The following PVALB variants were observed in gnomAD, a reference collection of about 807,000 sequenced individuals.
PVALB encodes parvalbumin.
PVALB carries 11 observed loss-of-function variants against 10.9 expected under a neutral mutation model. That is an observed-to-expected ratio of 1.01 (90% CI 0.63 to 1.67). PVALB has a LOEUF of 1.67. PVALB is among the 40% of genes most tolerant of loss of function. The pLI, the probability that PVALB is intolerant of heterozygous loss-of-function variation, is 0.00. For synonymous variants in PVALB, 57 were observed against 50.7 expected (o/e 1.12, Z -0.53); for missense variants, 131 against 136.2 (o/e 0.96, Z 0.19).
At chr22:36,802,418 C>T (rs899723708) in intron 3 of PVALB, among the ~76,000 whole-genome samples, 100 of 151,564 alleles carry the variant, frequency 6.6e-4, no homozygotes, top group African/African-American at 2.1e-3. Context: ...CTGGCCAACA[C>T]GGTGAAACCC....
intron 3 of PVALB, among the ~76,000 whole-genome samples, chr22:36,808,327 T>C (rs1035171030): frequency 6.6e-6 from 1 of 152,164 alleles, no homozygotes; most frequent in African/African-American, 2.4e-5. Context: ...TCGATTCCTG[T>C]TGGTCAACAC....
Position 36,800,730 on chromosome 22 carries a change from C to T in PVALB, c.*160G>A, listed in dbSNP as rs1021210598. On this transcript the variant is annotated 3_prime_UTR_variant, in exon 4 of 4. Transcript: ENST00000417718. ...ACTGGTACAACCTTTATTGCTTCTC[C>T]AGCATTTTCCAGAAGAATGGTGTCA... 1.6e-5 allele frequency: 13 copies of T among 806,328 alleles called. No homozygotes were observed. The highest frequency in any genetic ancestry group is 2.5e-5 in the Non-Finnish European group (12 of 477,590). 49.9% of individuals were successfully genotyped at this position (806,328 alleles called of 1,614,324 possible).
chr22:36,811,445 A>C, intron 3 of PVALB: 2 of 470,674 alleles, frequency 4.2e-6, no homozygotes, highest in South Asian at 1.6e-5. Flanking sequence ...AGGGGCACCC[A>C]GTCAGGAAAT....
At chr22:36,801,734 A>T (rs1938868604) in intron 3 of PVALB, among the ~76,000 whole-genome samples, 1 of 152,212 alleles carries the variant, frequency 6.6e-6, no homozygotes, top group Non-Finnish European at 1.5e-5. Context: ...CAGAAGGCAG[A>T]GGTTGCAGTG....
At chr22:36,813,950 G>A (rs1451491327) in intron 2 of PVALB, among the ~76,000 whole-genome samples, 195 bp from the exon 3 acceptor site, 1 of 152,182 alleles carries the variant, frequency 6.6e-6, no homozygotes, top group East Asian at 1.9e-4. Flanking sequence ...GAGTATTTAG[G>A]AAAGGACAGG....
At chr22:36,808,826 T>C (rs887216436) in intron 3 of PVALB, among the ~76,000 whole-genome samples, 6 of 152,094 alleles carry the variant, frequency 3.9e-5, no homozygotes, top group Non-Finnish European at 8.8e-5. Context: ...TAACAAAGAT[T>C]TTTTTTTGGC....
chr22:36,812,423 C>A (rs974854809), intron 3 of PVALB, among the ~76,000 whole-genome samples: 1 of 152,190 alleles, frequency 6.6e-6, no homozygotes, highest in Non-Finnish European at 1.5e-5. Context: ...AGATTCTAGA[C>A]AGAAGGTACC....
intron 3 of PVALB, among the ~76,000 whole-genome samples, chr22:36,810,482 G>C (rs1939029578): frequency 6.6e-6 from 1 of 152,202 alleles, no homozygotes; most frequent in South Asian, 2.1e-4. Flanking sequence ...GAAGTGTGGG[G>C]CCCCAGTGCC....
At chr22:36,814,122 C>G (rs953223786) in intron 2 of PVALB, among the ~76,000 whole-genome samples, 1 of 152,098 alleles carries the variant, frequency 6.6e-6, no homozygotes, top group East Asian at 1.9e-4. Context: ...AAGGAGGTCA[C>G]GGGCTCCGAG....
At chr22:36,803,391 C>G (rs1938899032) in intron 3 of PVALB, among the ~76,000 whole-genome samples, 1 of 152,188 alleles carries the variant, frequency 6.6e-6, no homozygotes, top group Non-Finnish European at 1.5e-5. Flanking sequence ...CAGTCTCCCC[C>G]TACTAGAATG....
chr22:36,801,026 C>T (rs997617659), intron 3 of PVALB, 108 bp from the exon 4 acceptor site: 3 of 1,058,504 alleles, frequency 2.8e-6, no homozygotes, highest in Non-Finnish European at 4.4e-6. Context: ...GTTCTTGCTT[C>T]TGCTGCAGCA....
intron 3 of PVALB, among the ~76,000 whole-genome samples, chr22:36,803,660 G>A (rs1053303152): frequency 6.9e-5 from 10 of 145,828 alleles, no homozygotes; most frequent in Non-Finnish European, 1.2e-4. Context: ...TGAATGGATG[G>A]ATGGGTGGGT....
intron 3 of PVALB, among the ~76,000 whole-genome samples, chr22:36,807,922 G>C (rs1195096106): frequency 1.3e-5 from 2 of 152,204 alleles, no homozygotes; most frequent in Admixed American, 6.5e-5. Flanking sequence ...CAAGGGGTGG[G>C]GGGGTTGCAA....
chr22:36,819,034 C>T (rs768772810), upstream of PVALB, among the ~76,000 whole-genome samples: 9 of 152,296 alleles, frequency 5.9e-5, no homozygotes, highest in Non-Finnish European at 8.8e-5. Context: ...CTTGACACCC[C>T]CTCCGGGACT....
At chr22:36,802,477 T>A (rs1938880841) in intron 3 of PVALB, among the ~76,000 whole-genome samples, 1 of 151,986 alleles carries the variant, frequency 6.6e-6, no homozygotes, top group East Asian at 1.9e-4. Context: ...GGCGCACACC[T>A]GTAGTCCCAG....
chr22:36,803,672 G>GAT, intron 3 of PVALB, among the ~76,000 whole-genome samples: 1 of 142,064 alleles, frequency 7.0e-6, no homozygotes, highest in South Asian at 2.5e-4. Context: ...TGGGTGGGTG[G>GAT]GTGGATGGAT....
intron 3 of PVALB, among the ~76,000 whole-genome samples, chr22:36,811,983 G>A (rs188495253): frequency 1.3e-5 from 2 of 152,128 alleles, no homozygotes; most frequent in East Asian, 3.9e-4. Flanking sequence ...CTCCATTCTC[G>A]TTACTGGCAG....
intron 3 of PVALB, among the ~76,000 whole-genome samples, chr22:36,807,202 G>A (rs1569091124): frequency 2.0e-5 from 3 of 152,292 alleles, no homozygotes; most frequent in South Asian, 4.1e-4. Context: ...CAGGAGACCC[G>A]GGTCCCGTTG....
chr22:36,811,147 G>A (rs11913511), intron 3 of PVALB, among the ~76,000 whole-genome samples: 15,744 of 152,074 alleles, frequency 0.1, 2,809 homozygotes, highest in African/African-American at 0.36. Context: ...ATGGTGGTGC[G>A]TGCCTGTAAT....
Sources: allele counts gnomAD v4.1 joint callset (sites outside exome capture counted in the v4.1 genomes callset), GRCh38; gene constraint gnomAD v4.1.1; transcripts MANE v1.5; gene names NCBI Gene and HGNC (gene_info 2026-07-23, HGNC 2026-07-21).